MMS22L: variants seen among roughly 807,000 people sequenced by gnomAD.
MMS22L encodes the protein protein MMS22-like.
In MMS22L, 74 loss-of-function variants were observed where a neutral mutation model predicts 159.1. The observed-to-expected ratio is 0.47, with a 90% CI of 0.39 to 0.56. The LOEUF is 0.56. MMS22L is among the 20% of genes least tolerant of loss of function. The pLI is 0.00. For synonymous variants in MMS22L, 517 were observed against 506.9 expected, an observed-to-expected ratio of 1.02 and a Z score of -0.27; for missense variants, 1,351 against 1,422.1, an observed-to-expected ratio of 0.95 and a Z score of 0.80.
chr6:97,279,616 C>A (rs1238654208), intron 3 of MMS22L, among the ~76,000 whole-genome samples: 1 of 151,808 alleles, frequency 6.6e-6, no homozygotes, highest in Non-Finnish European at 1.5e-5. Context: ...GAGACCCCAT[C>A]TCTACTAAAA....
At chr6:97,265,419 A>C (rs1293048745) in intron 8 of MMS22L, 1 of 152,202 alleles carries the variant, frequency 6.6e-6, no homozygotes, top group African/African-American at 2.4e-5. Context: ...ATAGGGGAAA[A>C]GCTATATGAC....
At chr6:97,222,887 T>C (rs916352051) in intron 14 of MMS22L, among the ~76,000 whole-genome samples, 6 of 152,022 alleles carry the variant, frequency 3.9e-5, no homozygotes, top group Non-Finnish European at 8.8e-5. Context: ...TACACCTAAC[T>C]CCACAAATGA....
chr6:97,228,779 T>C lies in MMS22L; in HGVS notation c.2039+115A>G, dbSNP rs912341817. On this transcript the variant is annotated intron_variant, in intron 14 of 24. Coordinates refer to ENST00000683635, the MANE Select transcript of MMS22L (RefSeq NM_001350599.2). The stretch of plus-strand genomic sequence containing the variant: ...GTAGTAGAAAACTAAATCCTTCCTC[T>C]ACATTTGGATTTCATGTGTATTTGT... 4.0e-6 allele frequency: 4 copies of C among 994,594 alleles called. No homozygotes were observed. In the African/African-American group the frequency reaches 6.6e-5, roughly 16 times the overall value. The allele number at this position is 994,594 out of a possible 1,614,324, so 61.6% of individuals were successfully genotyped here.
At chr6:97,256,805 G>C (rs1391901882) in intron 9 of MMS22L, among the ~76,000 whole-genome samples, 1 of 152,082 alleles carries the variant, frequency 6.6e-6, no homozygotes, top group Non-Finnish European at 1.5e-5. Context: ...AAATTAGCCA[G>C]GTGTGGTGGC....
chr6:97,278,327 C>A (rs907388201), intron 4 of MMS22L, among the ~76,000 whole-genome samples: 1 of 150,140 alleles, frequency 6.7e-6, no homozygotes, highest in South Asian at 2.1e-4. Context: ...CACTTGAACC[C>A]GGGGGGCAGA....
At position 97,145,760 on chromosome 6, in the gene MMS22L, G is replaced by A. The variant is rs974032939; in HGVS notation, c.*1046C>T. The A allele has an allele frequency of 2.4e-4, 36 of 152,120 alleles. No homozygotes were observed. The highest frequency in any genetic ancestry group is 8.0e-4 in the African/African-American group (33 of 41,438). The allele number at this position is 152,120 out of a possible 1,614,324, so 9.4% of individuals were successfully genotyped here. A position where few individuals can be genotyped will look rare whatever the true frequency, so the allele number is the denominator to read the frequency against. On this transcript the variant is annotated 3_prime_UTR_variant, in exon 25 of 25. Coordinates refer to ENST00000683635, the MANE Select transcript of MMS22L (RefSeq NM_001350599.2). ...GAGAAAGGTTACGTAACTAGCTCAAGATCATAAAGCAAAGCTGAGTTTGAG... is the reference window on the plus strand; with the variant it reads ...GAGAAAGGTTACGTAACTAGCTCAAAATCATAAAGCAAAGCTGAGTTTGAG...
intron 24 of MMS22L, 61 bp from the exon 25 acceptor site, chr6:97,146,948 G>A (rs1291809885): frequency 2.5e-6 from 3 of 1,207,380 alleles, no homozygotes; most frequent in Non-Finnish European, 3.5e-6. Flanking sequence ...TTTCATTTCA[G>A]TATTTACAAA....
At chr6:97,262,367 A>T (rs1357945164) in intron 9 of MMS22L, among the ~76,000 whole-genome samples, 1 of 152,142 alleles carries the variant, frequency 6.6e-6, no homozygotes, top group African/African-American at 2.4e-5. Context: ...ATAGCAGGCC[A>T]GGCATGGTGG....
intron 21 of MMS22L, 110 bp from the exon 22 acceptor site, chr6:97,162,275 G>A (rs2128243137): frequency 2.6e-6 from 2 of 772,496 alleles, no homozygotes. Flanking sequence ...AATTAATACA[G>A]TGCCACTTGT....
chr6:97,225,617 G>T (rs1056402183), intron 14 of MMS22L, among the ~76,000 whole-genome samples: 3 of 149,346 alleles, frequency 2.0e-5, no homozygotes, highest in Non-Finnish European at 4.4e-5. Context: ...CTGTCACACA[G>T]GCTGGAGTGC....
At chr6:97,235,188 T>G (rs182508683) in intron 11 of MMS22L, among the ~76,000 whole-genome samples, 6 of 152,342 alleles carry the variant, frequency 3.9e-5, no homozygotes, top group Admixed American at 2.6e-4. Flanking sequence ...AAGATATGTT[T>G]GGAAAAAGAT....
intron 19 of MMS22L, among the ~76,000 whole-genome samples, chr6:97,171,124 G>A (rs534637534): frequency 6.6e-6 from 1 of 152,022 alleles, no homozygotes; most frequent in Non-Finnish European, 1.5e-5. Flanking sequence ...TCCTACTTTG[G>A]AGCTCTTTAA....
intron 19 of MMS22L, 41 bp downstream of exon 19, chr6:97,173,022 T>G (rs770603639): frequency 6.3e-7 from 1 of 1,593,474 alleles, no homozygotes; most frequent in Non-Finnish European, 8.5e-7. Flanking sequence ...AGGCTCAACC[T>G]AAGGAAATGT....
intron 14 of MMS22L, among the ~76,000 whole-genome samples, chr6:97,192,530 G>C (rs1002892912): frequency 3.3e-5 from 5 of 152,126 alleles, no homozygotes; most frequent in Admixed American, 2.6e-4. Context: ...AAAATAATAT[G>C]CACTTTCATA....
chr6:97,276,476 A>G (rs1016642148), intron 4 of MMS22L, among the ~76,000 whole-genome samples: 3 of 152,086 alleles, frequency 2.0e-5, no homozygotes, highest in East Asian at 3.9e-4. Context: ...TTTCCACTAT[A>G]ATCTTTTAGT....
chr6:97,157,866 A>C (rs901093775), intron 22 of MMS22L, among the ~76,000 whole-genome samples: 1 of 151,940 alleles, frequency 6.6e-6, no homozygotes, highest in Admixed American at 6.6e-5. Flanking sequence ...CTCTTTTTCT[A>C]TTGATTGGAA....
intron 6 of MMS22L, chr6:97,270,913 T>C (rs1356113138): frequency 6.6e-6 from 1 of 151,746 alleles, no homozygotes; most frequent in Non-Finnish European, 1.5e-5. Flanking sequence ...AAAGCAACAA[T>C]CAAAATATTT....
At chr6:97,181,451 A>G (rs760699509) in intron 16 of MMS22L, among the ~76,000 whole-genome samples, 1 of 152,174 alleles carries the variant, frequency 6.6e-6, no homozygotes, top group Non-Finnish European at 1.5e-5. Context: ...CTTGTTCATG[A>G]TCTCATGAGT....
intron 11 of MMS22L, among the ~76,000 whole-genome samples, chr6:97,239,290 GCTTA>G (rs543512149): frequency 4.3e-4 from 65 of 152,154 alleles, no homozygotes; most frequent in African/African-American, 1.4e-3. Context: ...TTAAAATCAG[GCTTA>G]CTTTTTAAAT....
Sources: gnomAD v4.1 joint callset for allele counts (sites outside exome capture counted in the v4.1 genomes callset) on GRCh38, gnomAD v4.1.1 for gene constraint, MANE v1.5 for transcripts, NCBI Gene and HGNC (gene_info 2026-07-23, HGNC 2026-07-21) for gene names.